KCNAB2: variants seen among roughly 807,000 people sequenced by gnomAD.
KCNAB2 encodes voltage-gated potassium channel subunit beta-2.
KCNAB2 carries 29 observed loss-of-function variants against 63.6 expected under a neutral mutation model. The observed-to-expected ratio is 0.46, with a 90% CI of 0.34 to 0.62. KCNAB2 has a LOEUF of 0.62. Among genes scored for constraint, KCNAB2 ranks in the 20% least tolerant of loss-of-function variants. The pLI, the probability that KCNAB2 is intolerant of heterozygous loss-of-function variation, is 0.01. For synonymous variants in KCNAB2, 222 were observed against 224.2 expected (o/e 0.99, Z 0.09); for missense variants, 359 against 563.9 (o/e 0.64, Z 3.68).
chr1:6,087,394 G>C lies in KCNAB2; in HGVS notation c.426-73G>C. On this transcript the variant is annotated intron_variant, in intron 6 of 15. Coordinates refer to ENST00000378083, the MANE Select transcript of KCNAB2 (RefSeq NM_001199862.2). This position sits in a 1 kb window ranked among gnomAD's most constrained non-coding sequence, Gnocchi z 6.4. ...TTCAGGACCTCTGTGTGAGAGATGA[G>C]GACGTCGGGGATGAAGGAGGACCCC... is the stretch of plus-strand genomic sequence containing the variant. The C allele has an allele frequency of 6.6e-7, 1 of 1,510,724 alleles. No individual in the cohort carries two copies. Among genetic ancestry groups the C allele is most frequent in the Non-Finnish European group, 9.2e-7 (1 of 1,086,092 alleles). 93.6% of individuals were successfully genotyped at this position (1,510,724 alleles called of 1,614,324 possible). A position where few individuals can be genotyped will look rare whatever the true frequency, so the allele number is the denominator to read the frequency against.
chr1:6,017,003 C>T (rs1446821236), intron 1 of KCNAB2, among the ~76,000 whole-genome samples: 1 of 152,162 alleles, frequency 6.6e-6, no homozygotes, highest in East Asian at 1.9e-4. Flanking sequence ...AACAAACCAC[C>T]TAAAACTCAC....
In KCNAB2 at chr1:6,047,580, C is replaced by T. The variant is rs138973088; in HGVS notation, c.-27+1397C>T. ...TGGGTCTGAGGTAGGAAGCCAGCCC[C>T]GCCCCCACCAACAGCTGCCTGGCAC... On this transcript the variant is annotated intron_variant, in intron 1 of 15. Coordinates refer to ENST00000378083, the MANE Select transcript of KCNAB2 (RefSeq NM_001199862.2). Among the ~76,000 whole-genome samples, 811 of 152,314 alleles carry T rather than the reference C, an allele frequency of 5.3e-3. 4 individuals carry two copies. The highest frequency in any genetic ancestry group is 0.018 in the African/African-American group (769 of 41,576).
chr1:5,998,744 G>A (rs150304185), intron 1 of KCNAB2, among the ~76,000 whole-genome samples: 2,319 of 152,280 alleles, frequency 0.015, 47 homozygotes, highest in African/African-American at 0.05. Flanking sequence ...AGCAGCGAGG[G>A]GGCGCAGGAC....
intron 7 of KCNAB2, among the ~76,000 whole-genome samples, chr1:6,088,232 CTTT>C (rs70981312): frequency 1.3e-4 from 15 of 119,102 alleles, no homozygotes; most frequent in Admixed American, 3.4e-4. Context: ...CTCTCTCTCT[CTTT>C]TTTTTTTTTT....
chr1:6,008,258 T>G (rs1657942556), intron 1 of KCNAB2, among the ~76,000 whole-genome samples: 1 of 152,142 alleles, frequency 6.6e-6, no homozygotes, highest in Non-Finnish European at 1.5e-5. Context: ...ACCCTGACAG[T>G]GGCTTGCATG....
At chr1:6,084,952 C>G (rs1664565409) in intron 5 of KCNAB2, among the ~76,000 whole-genome samples, 1 of 152,240 alleles carries the variant, frequency 6.6e-6, no homozygotes, top group South Asian at 2.1e-4. Flanking sequence ...GGGGCCGCCA[C>G]TGCTTAGACA....
chr1:6,042,898 T>C (rs1660625903), upstream of KCNAB2, among the ~76,000 whole-genome samples: 2 of 128,882 alleles, frequency 1.6e-5, no homozygotes, highest in African/African-American at 5.8e-5. Context: ...TGGACCTAGA[T>C]GCTCAGAGTG....
At chr1:6,045,434 G>C (rs541451863), upstream of KCNAB2, among the ~76,000 whole-genome samples, 5 of 152,314 alleles carry the variant, frequency 3.3e-5, no homozygotes, top group South Asian at 1.0e-3. This position sits in a 1 kb window ranked among gnomAD's most constrained non-coding sequence, Gnocchi z 4.8. Context: ...CCCAGGTCAG[G>C]ACATGTGCCG....
At position 6,086,445 on chromosome 1, in the gene KCNAB2, C is replaced by A; in HGVS notation, c.426-1022C>A. On this transcript the variant is annotated intron_variant, in intron 6 of 15. Coordinates refer to ENST00000378083, the MANE Select transcript of KCNAB2 (RefSeq NM_001199862.2). This position sits in a 1 kb window ranked among gnomAD's most constrained non-coding sequence, Gnocchi z 4.2. The stretch of plus-strand genomic sequence containing the variant: ...ATCCCCCTTCCTGGAGGTGACGCTG[C>A]CTCTGCCAGAGCTCTGTGGCCGATG... The A allele has an allele frequency of 1.1e-6, 1 of 914,674 alleles. No homozygotes were observed. The highest frequency in any genetic ancestry group is 1.3e-6 in the Non-Finnish European group (1 of 765,464). The allele number at this position is 914,674 out of a possible 1,614,324, so 56.7% of individuals were successfully genotyped here.
In KCNAB2 at chr1:6,075,483, T is replaced by C. The variant is rs1247754262; in HGVS notation, c.300+1713T>C. ...CTGGAAGGACAGAGAATAAAATAGA[T>C]GGCAGTGTCAGGGTTCTGAATGGTT... is the stretch of plus-strand genomic sequence containing the variant. On this transcript the variant is annotated intron_variant, in intron 4 of 15. Coordinates refer to ENST00000378083, the MANE Select transcript of KCNAB2 (RefSeq NM_001199862.2). Among the ~76,000 whole-genome samples the C allele has an allele frequency of 2.0e-5, 3 of 152,222 alleles. No homozygotes were observed. In the East Asian group the frequency reaches 5.8e-4, roughly 29 times the overall value.
chr1:6,042,570 C>T (rs960793080), upstream of KCNAB2, among the ~76,000 whole-genome samples: 2 of 152,112 alleles, frequency 1.3e-5, no homozygotes, highest in African/African-American at 2.4e-5. Flanking sequence ...GTGCAGCCTC[C>T]AACCCTAGGA....
intron 2 of KCNAB2, among the ~76,000 whole-genome samples, chr1:6,060,738 A>G (rs550037869): frequency 7.4e-4 from 113 of 152,174 alleles, no homozygotes; most frequent in African/African-American, 2.6e-3. Context: ...CCCCGTCTCT[A>G]CTAAAAATAC....
At chr1:6,070,817 G>A (rs769954893) in intron 2 of KCNAB2, among the ~76,000 whole-genome samples, 1 of 152,100 alleles carries the variant, frequency 6.6e-6, no homozygotes, top group Non-Finnish European at 1.5e-5. Context: ...CAGGAAAGTT[G>A]TACCAGGATT....
At chr1:6,004,952 GAT>G (rs1657480708) in intron 1 of KCNAB2, among the ~76,000 whole-genome samples, 1 of 132,542 alleles carries the variant, frequency 7.5e-6, no homozygotes, top group Non-Finnish European at 1.6e-5. Context: ...GGAGTGGGGG[GAT>G]GTGGGAGCTG....
chr1:6,009,710 G>A (rs1658037991), intron 1 of KCNAB2, among the ~76,000 whole-genome samples: 1 of 152,188 alleles, frequency 6.6e-6, no homozygotes, highest in African/African-American at 2.4e-5. Flanking sequence ...GGGGGATGAG[G>A]CAGTGGGGCC....
intron 11 of KCNAB2, among the ~76,000 whole-genome samples, chr1:6,095,067 C>A (rs1219923305): frequency 1.3e-5 from 2 of 152,252 alleles, no homozygotes; most frequent in Non-Finnish European, 2.9e-5. Flanking sequence ...AACATCCAGG[C>A]TGTGTGGTTC....
In KCNAB2 at chr1:6,046,298, C is replaced by T. The variant is rs552002530; in HGVS notation, c.-27+115C>T. 1.9e-4 allele frequency: 130 copies of T among 678,924 alleles called. 1 individual carries two copies. In the South Asian group the frequency reaches 7.0e-3, roughly 37 times the overall value. The allele number at this position is 678,924 out of a possible 1,614,324, so 42.1% of individuals were successfully genotyped here. A position where few individuals can be genotyped will look rare whatever the true frequency, so the allele number is the denominator to read the frequency against. On this transcript the variant is annotated intron_variant, in intron 1 of 15. Coordinates refer to ENST00000378083, the MANE Select transcript of KCNAB2 (RefSeq NM_001199862.2). ...TATTTTGGGGTGGTTTTGTCTGATC[C>T]GGAATTAGACCCTCCGTGTTTTTGC...
chr1:6,053,490 G>T (rs11587586), intron 2 of KCNAB2, among the ~76,000 whole-genome samples: 1 of 152,138 alleles, frequency 6.6e-6, no homozygotes, highest in Non-Finnish European at 1.5e-5. Context: ...CAGGGAGGCC[G>T]AGGGGGAACC....
At position 6,071,600 on chromosome 1, in the gene KCNAB2, G is replaced by A. The variant is rs372785720; in HGVS notation, c.219-1155G>A. On this transcript the variant is annotated intron_variant, in intron 2 of 15. Transcript: ENST00000378083. This position sits in a 1 kb window ranked among gnomAD's most constrained non-coding sequence, Gnocchi z 8.5. ...CCGCGTGCTGGGCAGGTATCGTAACGTGGGAATCGATGTCACGACAAGCAA... is the reference window on the plus strand; with the variant it reads ...CCGCGTGCTGGGCAGGTATCGTAACATGGGAATCGATGTCACGACAAGCAA... Among the ~76,000 whole-genome samples the A allele has an allele frequency of 9.2e-5, 14 of 152,226 alleles. No individual in the cohort carries two copies. The highest frequency in any genetic ancestry group is 3.9e-4 in the Admixed American group (6 of 15,276).
Sources: allele counts gnomAD v4.1 joint callset (sites outside exome capture counted in the v4.1 genomes callset), GRCh38; gene constraint gnomAD v4.1.1; non-coding constraint Gnocchi (gnomAD v3.1); transcripts MANE v1.5; gene names NCBI Gene and HGNC (gene_info 2026-07-23, HGNC 2026-07-21).